Variants in SIRT5 observed in about 807,000 individuals in gnomAD.
SIRT5 encodes the protein NAD-dependent protein deacylase sirtuin-5, mitochondrial.
SIRT5 carries 26 observed loss-of-function variants against 40.0 expected under a neutral mutation model. The ratio of observed to expected loss-of-function variants is 0.65; its 90% CI spans 0.48 to 0.90. The LOEUF is 0.90. Ranked by LOEUF, SIRT5 falls within the 40% of genes least tolerant of loss-of-function variation. The probability of loss-of-function intolerance (pLI) is 0.00; values close to 1 mark genes in which losing one functional copy is unlikely to be tolerated. For synonymous variants in SIRT5, 146 were observed against 149.1 expected, an observed-to-expected ratio of 0.98 and a Z score of 0.15; for missense variants, 401 against 402.4, an observed-to-expected ratio of 1.00 and a Z score of 0.03.
rs199732085 is a variant in SIRT5 at position 13,611,334 on chromosome 6, TATAG to T, written c.858-452_858-449del. Among the ~76,000 whole-genome samples, 489 of 150,808 alleles carry T rather than the reference TATAG, an allele frequency of 3.2e-3. 4 individuals are homozygous for T. The highest frequency in any genetic ancestry group is 0.011 in the African/African-American group (462 of 41,210). ...TATAACATGCCAAACATACGTGTTA[TATAG>T]ATACACATAAAACATATATATGTAT... On this transcript the variant is annotated intron_variant, in intron 9 of 9. Transcript: ENST00000606117.
chr6:13,608,776 A>G lies in SIRT5; in HGVS notation c.858-3014A>G, dbSNP rs1483684712. Among the ~76,000 whole-genome samples the G allele has an allele frequency of 3.9e-5, 6 of 152,172 alleles. 1 individual carries two copies. In the South Asian group the frequency reaches 8.3e-4, roughly 21 times the overall value. ...GCATAATTGTAAAAACAAAAAATACATATAAATGTAGATTAATAATTCCAA... is the reference window on the plus strand; with the variant it reads ...GCATAATTGTAAAAACAAAAAATACGTATAAATGTAGATTAATAATTCCAA... On this transcript the variant is annotated intron_variant, in intron 9 of 9. Transcript: ENST00000606117.
At chr6:13,600,757 G>A (rs1452386303) in intron 8 of SIRT5, 77 bp from the exon 9 acceptor site, 2 of 1,174,394 alleles carry the variant, frequency 1.7e-6, no homozygotes, top group African/African-American at 3.1e-5. Context: ...GCCTGAGTTT[G>A]TGTAAGGTTT....
chr6:13,586,332 G>C (rs1236805299), intron 3 of SIRT5, among the ~76,000 whole-genome samples: 1 of 152,176 alleles, frequency 6.6e-6, no homozygotes, highest in Non-Finnish European at 1.5e-5. Flanking sequence ...CCTATGTCCT[G>C]AATGGTATTT....
intron 9 of SIRT5, among the ~76,000 whole-genome samples, chr6:13,601,358 T>G (rs1000425158): frequency 6.6e-6 from 1 of 152,204 alleles, no homozygotes; most frequent in Non-Finnish European, 1.5e-5. Context: ...GATACCCCTT[T>G]GGTCTAATCG....
rs1219039700 is a variant in SIRT5 at position 13,614,931 on chromosome 6, CAA to C, written c.*3068_*3069del. ...CGGAGCGAACGCAGCCAAATCTACA[CAA>C]AGACTGACAAGCTGGATCCACTCGA... On this transcript the variant is annotated 3_prime_UTR_variant, in exon 10 of 10. Coordinates refer to ENST00000606117, the MANE Select transcript of SIRT5 (RefSeq NM_012241.5). The C allele has an allele frequency of 1.7e-5, 3 of 173,378 alleles. No individual in the cohort carries two copies. Among genetic ancestry groups the C allele is most frequent in the East Asian group, 1.7e-4 (1 of 6,056 alleles). The allele number at this position is 173,378 out of a possible 1,614,324, so 10.7% of individuals were successfully genotyped here. A position where few individuals can be genotyped will look rare whatever the true frequency, so the allele number is the denominator to read the frequency against.
At chr6:13,598,596 G>A (rs1391783215) in intron 7 of SIRT5, among the ~76,000 whole-genome samples, 1 of 152,128 alleles carries the variant, frequency 6.6e-6, no homozygotes, top group African/African-American at 2.4e-5. Context: ...TTGGGAGGCC[G>A]AGGAGGGCAG....
chr6:13,575,195 G>C (rs1243513928), intron 1 of SIRT5, among the ~76,000 whole-genome samples: 1 of 152,056 alleles, frequency 6.6e-6, no homozygotes, highest in East Asian at 1.9e-4. Flanking sequence ...GACACAGGGC[G>C]GGGAGGCCGC....
chr6:13,581,605 G>A (rs1202373750), intron 2 of SIRT5, among the ~76,000 whole-genome samples: 1 of 152,188 alleles, frequency 6.6e-6, no homozygotes. Flanking sequence ...TTAGTAGTTT[G>A]TTCTTATTGC....
In SIRT5 at chr6:13,595,568, A is replaced by C; in HGVS notation, c.563+4A>C. On this transcript the variant is annotated splice_donor_region_variant and intron_variant, in intron 6 of 9. Transcript: ENST00000606117. ...GTCCAGCTTTATCAGGAAAAGGGTA[A>C]TTATACCACACTACAGAATAAGTAT... 1 of 1,598,708 alleles carries C rather than the reference A, an allele frequency of 6.3e-7. No homozygotes were observed. The highest frequency in any genetic ancestry group is 8.6e-7 in the Non-Finnish European group (1 of 1,165,970).
At chr6:13,594,017 C>G (rs11965999) in intron 5 of SIRT5, among the ~76,000 whole-genome samples, 3 of 152,110 alleles carry the variant, frequency 2.0e-5, no homozygotes, top group African/African-American at 7.2e-5. Flanking sequence ...CCTGACACAC[C>G]TTCCGCAAGT....
At position 13,615,103 on chromosome 6, in the gene SIRT5, G is replaced by C; in HGVS notation, c.*3238G>C. The stretch of plus-strand genomic sequence containing the variant: ...CAGCGCGATGGCTCTTCCCTGCCTT[G>C]AAATCAACCCCATTGCCAGCCGCTT... On this transcript the variant is annotated 3_prime_UTR_variant, in exon 10 of 10. Transcript: ENST00000606117. 1 of 465,638 alleles carries C rather than the reference G, an allele frequency of 2.1e-6. No homozygotes were observed. The highest frequency in any genetic ancestry group is 3.9e-5 in the Admixed American group (1 of 25,386). 28.8% of individuals were successfully genotyped at this position (465,638 alleles called of 1,614,324 possible).
chr6:13,600,639 C>T (rs530464299), intron 8 of SIRT5, among the ~76,000 whole-genome samples, 195 bp from the exon 9 acceptor site: 331 of 152,334 alleles, frequency 2.2e-3, no homozygotes, highest in Non-Finnish European at 3.7e-3. Flanking sequence ...ATATTCTTCT[C>T]GATTCTAGTG....
intron 1 of SIRT5, among the ~76,000 whole-genome samples, chr6:13,575,563 A>G (rs1187174362): frequency 6.6e-6 from 1 of 151,668 alleles, no homozygotes; most frequent in African/African-American, 2.4e-5. Context: ...TTTATTGACA[A>G]ATTTATATAT....
intron 9 of SIRT5, chr6:13,604,404 C>A: frequency 1.1e-6 from 1 of 933,530 alleles, no homozygotes; most frequent in Non-Finnish European, 1.7e-6. Flanking sequence ...AAGAGTGGGA[C>A]AGGATAAACT....
intron 9 of SIRT5, chr6:13,605,454 C>G (rs929006666): frequency 1.0e-6 from 1 of 985,170 alleles, no homozygotes; most frequent in African/African-American, 1.7e-5. Flanking sequence ...ACCTGATTTT[C>G]TTTGTTACCT....
rs1763292971 is a variant in SIRT5, at chr6:13,607,632, A to G, written c.858-4158A>G. Among the ~76,000 whole-genome samples, 2 of 152,210 alleles carry G rather than the reference A, an allele frequency of 1.3e-5. No individual in the cohort carries two copies. Among genetic ancestry groups the G allele is most frequent in the African/African-American group, 4.8e-5 (2 of 41,456 alleles). ...CCAGCAGAGTGCACAGGTGTGCTAG[A>G]AAGAGGCTTTCAAACACTGTTCATG... On this transcript the variant is annotated intron_variant, in intron 9 of 9. Coordinates refer to ENST00000606117, the MANE Select transcript of SIRT5 (RefSeq NM_012241.5). The surrounding 1 kb of genome is among the most constrained non-coding windows in gnomAD (Gnocchi z 4.0).
chr6:13,604,146 T>C (rs1762784591), intron 9 of SIRT5, among the ~76,000 whole-genome samples: 1 of 152,258 alleles, frequency 6.6e-6, no homozygotes, highest in Non-Finnish European at 1.5e-5. Flanking sequence ...GTGAATACAC[T>C]AAAAGCCACT....
intron 9 of SIRT5, among the ~76,000 whole-genome samples, chr6:13,611,266 TAC>T (rs1299487649): frequency 6.8e-5 from 10 of 146,720 alleles, no homozygotes; most frequent in African/African-American, 2.0e-4. Flanking sequence ...CACATATATA[TAC>T]ACACACATAT....
At position 13,611,915 on chromosome 6, in the gene SIRT5, C is replaced by G; in HGVS notation, c.*50C>G. On this transcript the variant is annotated 3_prime_UTR_variant, in exon 10 of 10. Transcript: ENST00000606117. ...CAGTATATCTAAGAACTAGGCCACA[C>G]GCAGAGGAGAAATGGTCTTATGGGT... The G allele has an allele frequency of 1.3e-6, 2 of 1,560,606 alleles. No individual in the cohort carries two copies. Among genetic ancestry groups the G allele is most frequent in the Non-Finnish European group, 1.8e-6 (2 of 1,132,880 alleles).
Sources: gnomAD v4.1 joint callset for allele counts (sites outside exome capture counted in the v4.1 genomes callset) on GRCh38, gnomAD v4.1.1 for gene constraint, Gnocchi (gnomAD v3.1) non-coding constraint, MANE v1.5 for transcripts, NCBI Gene and HGNC (gene_info 2026-07-23, HGNC 2026-07-21) for gene names.